Variants in LTBP1 observed in about 807,000 individuals in gnomAD.
LTBP1 encodes latent-transforming growth factor beta-binding protein 1.
LTBP1 carries 129 observed loss-of-function variants against 207.6 expected under a neutral mutation model. The observed-to-expected ratio is 0.62, with a 90% confidence interval of 0.54 to 0.72. LTBP1 has a LOEUF of 0.72. Ranked by LOEUF, LTBP1 falls within the 30% of genes least tolerant of loss-of-function variation. LTBP1 has a pLI of 0.00. For synonymous variants in LTBP1, 963 were observed against 833.7 expected, an observed-to-expected ratio of 1.16 and a Z score of -2.67; for missense variants, 2,281 against 2,217.2, an observed-to-expected ratio of 1.03 and a Z score of -0.58.
chr2:33,086,107 A>G (rs987995474), intron 3 of LTBP1, among the ~76,000 whole-genome samples: 3 of 152,346 alleles, frequency 2.0e-5, no homozygotes, highest in Non-Finnish European at 2.9e-5. Context: ...TAAGTGCTGT[A>G]TGTGTATTCA....
chr2:33,257,997 TCTTC>T (rs879356461), intron 12 of LTBP1, among the ~76,000 whole-genome samples: 59 of 152,356 alleles, frequency 3.9e-4, no homozygotes, highest in South Asian at 6.2e-4. Context: ...CTAGTGTGGT[TCTTC>T]CATTTACCCT....
chr2:33,070,757 T>A (rs1258799464), intron 3 of LTBP1, among the ~76,000 whole-genome samples: 2 of 152,190 alleles, frequency 1.3e-5, no homozygotes, highest in African/African-American at 4.8e-5. Flanking sequence ...GCCTTTCTTG[T>A]ATGTTTTCTT....
intron 5 of LTBP1, among the ~76,000 whole-genome samples, chr2:33,179,455 TA>T (rs199750491): frequency 0.08 from 11,897 of 149,056 alleles, 1,000 homozygotes; most frequent in African/African-American, 0.22. Flanking sequence ...CATATATTCT[TA>T]AAAAAAAAAC....
intron 31 of LTBP1, among the ~76,000 whole-genome samples, chr2:33,371,309 C>A (rs1162082731): frequency 1.3e-5 from 2 of 152,146 alleles, no homozygotes; most frequent in African/African-American, 4.8e-5. Flanking sequence ...CATTGCAGCC[C>A]CTGACTCCTC....
At chr2:33,097,881 C>A (rs1407052876) in intron 3 of LTBP1, among the ~76,000 whole-genome samples, 3 of 152,062 alleles carry the variant, frequency 2.0e-5, no homozygotes, top group Non-Finnish European at 4.4e-5. Flanking sequence ...TATTTAGTTT[C>A]TGGTAGTTTT....
Position 33,007,986 on chromosome 2 carries a change from G to GC in LTBP1, c.566-12921dup, listed in dbSNP as rs1380169516. ...CTGGCTTCAGTGGACTCTGGCTTTA[G>GC]CCACTATATGACACTCGCTAATCAA... On this transcript the variant is annotated intron_variant, in intron 2 of 33. Coordinates refer to ENST00000404816, the MANE Select transcript of LTBP1 (RefSeq NM_206943.4). Among the ~76,000 whole-genome samples, 120 of 152,300 alleles carry GC rather than the reference G, an allele frequency of 7.9e-4. 1 individual carries two copies. Among genetic ancestry groups the GC allele is most frequent in the African/African-American group, 2.5e-3 (105 of 41,578 alleles).
chr2:33,152,540 A>G (rs909883233), intron 5 of LTBP1, among the ~76,000 whole-genome samples: 1 of 152,224 alleles, frequency 6.6e-6, no homozygotes, highest in African/African-American at 2.4e-5. Flanking sequence ...TAGAACTACC[A>G]TTTGATCCAG....
At chr2:33,301,011 G>C (rs1462989047) in intron 21 of LTBP1, among the ~76,000 whole-genome samples, 1 of 152,118 alleles carries the variant, frequency 6.6e-6, no homozygotes, top group Non-Finnish European at 1.5e-5. Flanking sequence ...AATCGCTAAA[G>C]AAGATTTCTC....
At chr2:33,167,298 A>G (rs17640469) in intron 5 of LTBP1, among the ~76,000 whole-genome samples, 75,304 of 151,470 alleles carry the variant, frequency 0.5, 19,475 homozygotes, top group Middle Eastern at 0.63. Context: ...TAAAAATCAG[A>G]AATTTGGCAT....
rs532595265 is a variant in LTBP1, at chr2:33,065,333, C to T, written c.863+44127C>T. Among the ~76,000 whole-genome samples, 6 of 152,236 alleles carry T rather than the reference C, an allele frequency of 3.9e-5. No homozygotes were observed. In the South Asian group the frequency reaches 1.0e-3, roughly 26 times the overall value. ...CTTTGGAAGGCTGAGGCAGGAAGATCACTTGAGGCCATTAGTTTGAGACCA... is the reference window on the plus strand; with the variant it reads ...CTTTGGAAGGCTGAGGCAGGAAGATTACTTGAGGCCATTAGTTTGAGACCA... On this transcript the variant is annotated intron_variant, in intron 3 of 33. Coordinates refer to ENST00000404816, the MANE Select transcript of LTBP1 (RefSeq NM_206943.4).
intron 5 of LTBP1, among the ~76,000 whole-genome samples, chr2:33,184,700 C>T (rs947879373): frequency 7.3e-5 from 11 of 151,058 alleles, no homozygotes; most frequent in Non-Finnish European, 1.2e-4. Context: ...TGGGCAGGGA[C>T]TGAATCTTCT....
At chr2:33,306,765 C>T (rs2094103082) in intron 22 of LTBP1, among the ~76,000 whole-genome samples, 1 of 151,998 alleles carries the variant, frequency 6.6e-6, no homozygotes, top group Non-Finnish European at 1.5e-5. Context: ...TCTCCATTTC[C>T]TACAAAGCAA....
chr2:33,397,190 G>A lies in LTBP1; in HGVS notation c.4892G>A (p.Cys1631Tyr). Residue 1631 changes from cysteine to tyrosine, a missense_variant, in exon 33 of 34, where the codon TGT (cysteine) becomes TAT (tyrosine). By Grantham distance (194) the Cys-to-Tyr change is radical. Transcript: ENST00000404816. ...QAEECGILNG[C>Y]ENGRCVRVQE... ...GAGGAATGCGGCATCCTCAATGGAT[G>A]TGAAAATGGTCGCTGTGTGAGGGTC... 3 of 1,614,200 alleles carry A rather than the reference G, an allele frequency of 1.9e-6. No individual in the cohort carries two copies. The highest frequency in any genetic ancestry group is 2.5e-6 in the Non-Finnish European group (3 of 1,180,028).
intron 3 of LTBP1, among the ~76,000 whole-genome samples, chr2:33,075,221 A>G (rs1471971790): frequency 6.6e-6 from 1 of 152,226 alleles, no homozygotes; most frequent in Non-Finnish European, 1.5e-5. Context: ...TTTATACACA[A>G]TGACTTAAGA....
intron 3 of LTBP1, among the ~76,000 whole-genome samples, chr2:33,054,079 A>T (rs2076872606): frequency 6.6e-6 from 1 of 152,162 alleles, no homozygotes; most frequent in South Asian, 2.1e-4. Flanking sequence ...CAGAAGAAGG[A>T]TCCTCGAAGT....
At chr2:33,105,557 C>T (rs1036647041) in intron 3 of LTBP1, among the ~76,000 whole-genome samples, 10 of 151,974 alleles carry the variant, frequency 6.6e-5, no homozygotes, top group African/African-American at 2.4e-4. Context: ...GTGCCTCAAG[C>T]TCCCAAGTAG....
intron 2 of LTBP1, among the ~76,000 whole-genome samples, chr2:32,959,621 A>ATATTTTTTT (rs1475834284): frequency 2.2e-4 from 8 of 36,668 alleles, no homozygotes; most frequent in South Asian, 1.5e-3. Context: ...ATATATATAT[A>ATATTTTTTT]TTTTTTTTTT....
chr2:33,209,426 C>T (rs867736482), intron 7 of LTBP1, among the ~76,000 whole-genome samples: 5 of 152,078 alleles, frequency 3.3e-5, no homozygotes, highest in South Asian at 2.1e-4. Flanking sequence ...ATGACAAGTA[C>T]GATCGTGATG....
chr2:33,153,520 G>C (rs535956767), intron 5 of LTBP1, among the ~76,000 whole-genome samples: 1 of 152,170 alleles, frequency 6.6e-6, no homozygotes, highest in Non-Finnish European at 1.5e-5. Context: ...GAATGCGCTG[G>C]GGTCCTGCTA....
Sources: gnomAD v4.1 joint callset for allele counts (sites outside exome capture counted in the v4.1 genomes callset) on GRCh38, gnomAD v4.1.1 for gene constraint, MANE v1.5 for transcripts, NCBI Gene and HGNC (gene_info 2026-07-23, HGNC 2026-07-21) for gene names.